The following CRIM1 variants were observed in gnomAD, a reference collection of about 807,000 sequenced individuals.
CRIM1 encodes cysteine rich transmembrane BMP regulator 1, also known as cysteine-rich motor neuron 1 protein.
A neutral mutation model predicts 116.4 loss-of-function variants in CRIM1; 32 were observed. The ratio of observed to expected loss-of-function variants is 0.27; its 90% CI spans 0.21 to 0.37. The LOEUF is 0.37. CRIM1 is among the 10% of genes least tolerant of loss of function. The pLI, the probability that CRIM1 is intolerant of heterozygous loss-of-function variation, is 1.00. For missense variants in CRIM1, 1,331 were observed against 1,354.8 expected (o/e 0.98, Z 0.28); for synonymous variants, 590 against 509.2 (o/e 1.16, Z -2.13).
chr2:36,457,133 TTTTATTTTTA>T (rs1414370976), intron 4 of CRIM1, among the ~76,000 whole-genome samples: 1 of 152,024 alleles, frequency 6.6e-6, no homozygotes, highest in Admixed American at 6.5e-5. Context: ...GAATATTTTA[TTTTATTTTTA>T]TTTATTTTAT....
intron 1 of CRIM1, among the ~76,000 whole-genome samples, chr2:36,390,597 T>G (rs1051229489): frequency 6.6e-6 from 1 of 152,110 alleles, no homozygotes; most frequent in Non-Finnish European, 1.5e-5. Context: ...TTGTTTGTTT[T>G]GTTTTGTTTT....
At chr2:36,357,944 C>G (rs1270441763) in intron 1 of CRIM1, among the ~76,000 whole-genome samples, 1 of 152,168 alleles carries the variant, frequency 6.6e-6, no homozygotes, top group Non-Finnish European at 1.5e-5. Context: ...TGCTGTGATT[C>G]TCTCTAAATA....
intron 4 of CRIM1, among the ~76,000 whole-genome samples, chr2:36,448,181 C>A (rs912329114): frequency 7.2e-5 from 11 of 152,232 alleles, no homozygotes; most frequent in Middle Eastern, 3.2e-3. Flanking sequence ...CCTGATAAAA[C>A]CGGGTCCATT....
chr2:36,399,222 G>A (rs555876145), intron 2 of CRIM1, among the ~76,000 whole-genome samples: 21 of 152,230 alleles, frequency 1.4e-4, no homozygotes, highest in Non-Finnish European at 2.6e-4. Flanking sequence ...TGAGCAATCA[G>A]AAATCATTAT....
chr2:36,382,342 T>G (rs1223804073), intron 1 of CRIM1, among the ~76,000 whole-genome samples: 1 of 152,232 alleles, frequency 6.6e-6, no homozygotes, highest in African/African-American at 2.4e-5. Context: ...TGGAAAGCGA[T>G]CCTAACTGCT....
intron 3 of CRIM1, among the ~76,000 whole-genome samples, chr2:36,442,202 A>G (rs1181006537): frequency 6.7e-6 from 1 of 150,124 alleles, no homozygotes; most frequent in Non-Finnish European, 1.5e-5. Flanking sequence ...GTTTCTAATC[A>G]TCGGCCAGTT....
chr2:36,526,958 A>G (rs1286458476), intron 13 of CRIM1, among the ~76,000 whole-genome samples: 2 of 152,170 alleles, frequency 1.3e-5, no homozygotes, highest in Middle Eastern at 3.2e-3. Flanking sequence ...TGTGTTGGCT[A>G]AGTCTTAAGT....
At chr2:36,433,666 C>A (rs1020114954) in intron 2 of CRIM1, among the ~76,000 whole-genome samples, 2 of 152,142 alleles carry the variant, frequency 1.3e-5, no homozygotes, top group Admixed American at 1.3e-4. Flanking sequence ...GAGGTGGGAT[C>A]CAGACAGTGG....
chr2:36,537,405 G>A lies in CRIM1; in HGVS notation c.2482G>A (p.Asp828Asn), dbSNP rs753244101. 6.6e-5 allele frequency: 107 copies of A among 1,614,110 alleles called. No individual in the cohort carries two copies. The highest frequency in any genetic ancestry group is 8.4e-5 in the Non-Finnish European group (99 of 1,180,052). ...CCACTTCAGTGGGAAGGCCTATGCCGACGAGGAGCGGTGGGACCTTGACAG... is the reference window on the plus strand; with the variant it reads ...CCACTTCAGTGGGAAGGCCTATGCCAACGAGGAGCGGTGGGACCTTGACAG... ...VCHFSGKAYADEERWDLDSCT... is the reference protein window; with the variant it reads ...VCHFSGKAYANEERWDLDSCT... Residue 828 changes from aspartate (D) to asparagine (N), a missense_variant, in exon 14 of 17, where the codon GAC (aspartate) becomes AAC (asparagine). By Grantham distance (23) the Asp-to-Asn change is conservative. Around this residue, in one of 3 missense-constraint regions of CRIM1, gnomAD observed 358 missense variants for 436.1 expected, o/e 0.82. Transcript: ENST00000280527.
intron 2 of CRIM1, among the ~76,000 whole-genome samples, chr2:36,398,835 T>C (rs1672223684): frequency 6.6e-6 from 1 of 152,182 alleles, no homozygotes; most frequent in African/African-American, 2.4e-5. Context: ...CAGGTATATA[T>C]TGTATATGAA....
intron 13 of CRIM1, among the ~76,000 whole-genome samples, chr2:36,534,996 T>G (rs1192304961): frequency 6.6e-6 from 1 of 152,050 alleles, no homozygotes; most frequent in African/African-American, 2.4e-5. Flanking sequence ...ACTCTAAATT[T>G]GATGGCCAAA....
intron 4 of CRIM1, among the ~76,000 whole-genome samples, chr2:36,461,558 C>A (rs1332129153): frequency 6.6e-6 from 1 of 152,176 alleles, no homozygotes; most frequent in Admixed American, 6.5e-5. Flanking sequence ...CTTGACTAAG[C>A]TGTGTAACTC....
At chr2:36,460,763 T>C (rs1677519324) in intron 4 of CRIM1, among the ~76,000 whole-genome samples, 1 of 152,210 alleles carries the variant, frequency 6.6e-6, no homozygotes, top group Admixed American at 6.5e-5. Context: ...TGACTAGACA[T>C]GATAGGTACT....
At chr2:36,518,443 A>G (rs995203341) in intron 12 of CRIM1, among the ~76,000 whole-genome samples, 1 of 152,182 alleles carries the variant, frequency 6.6e-6, no homozygotes, top group African/African-American at 2.4e-5. Context: ...TGGATTATCT[A>G]GTCAGCTGGC....
At chr2:36,529,627 G>A (rs1665981934) in intron 13 of CRIM1, 1 of 161,068 alleles carries the variant, frequency 6.2e-6, no homozygotes, top group Non-Finnish European at 1.4e-5. Flanking sequence ...TCCATGAAGT[G>A]CTTAATCAAC....
chr2:36,366,475 G>A (rs1289467663), intron 1 of CRIM1, among the ~76,000 whole-genome samples: 2 of 152,038 alleles, frequency 1.3e-5, no homozygotes, highest in Non-Finnish European at 2.9e-5. Flanking sequence ...TTCCTGAGAA[G>A]AGAATTTGAA....
chr2:36,416,209 AAAT>A (rs70946929), intron 2 of CRIM1, among the ~76,000 whole-genome samples: 11 of 149,932 alleles, frequency 7.3e-5, no homozygotes, highest in South Asian at 2.1e-4. Flanking sequence ...TTTTGTCTCA[AAAT>A]AATAATAATA....
chr2:36,549,876 TTA>T lies in CRIM1; in HGVS notation c.*1177_*1178del, dbSNP rs1022432994. The T allele has an allele frequency of 1.2e-4, 19 of 152,122 alleles. No homozygotes were observed. The highest frequency in any genetic ancestry group is 4.1e-4 in the South Asian group (2 of 4,820). 9.4% of individuals were successfully genotyped at this position (152,122 alleles called of 1,614,324 possible). A position where few individuals can be genotyped will look rare whatever the true frequency, so the allele number is the denominator to read the frequency against. On this transcript the variant is annotated 3_prime_UTR_variant, in exon 17 of 17. Coordinates refer to ENST00000280527, the MANE Select transcript of CRIM1 (RefSeq NM_016441.3). The stretch of plus-strand genomic sequence containing the variant: ...ACATATATATTTATACACATACAAT[TTA>T]TGTTTTCCTGTTGAATGTATTTTTA...
At chr2:36,454,751 T>A (rs1284701281) in intron 4 of CRIM1, among the ~76,000 whole-genome samples, 1 of 152,170 alleles carries the variant, frequency 6.6e-6, no homozygotes, top group East Asian at 1.9e-4. Context: ...TATGCCCTCA[T>A]TGAGTTTACC....
Sources: gnomAD v4.1 joint callset for allele counts (sites outside exome capture counted in the v4.1 genomes callset) on GRCh38, gnomAD v4.1.1 for gene constraint, gnomAD v4.1.1 regional missense constraint, MANE v1.5 for transcripts, NCBI Gene and HGNC (gene_info 2026-07-23, HGNC 2026-07-21) for gene names.